The following CNTNAP2 variants were observed in gnomAD, a reference collection of about 807,000 sequenced individuals.
CNTNAP2 encodes the protein contactin associated protein 2.
A neutral mutation model predicts 155.2 loss-of-function variants in CNTNAP2; 98 were observed. The ratio of observed to expected loss-of-function variants is 0.63; its 90% CI spans 0.54 to 0.75. The LOEUF is 0.75. Ranked by LOEUF, CNTNAP2 falls within the 30% of genes least tolerant of loss-of-function variation. The pLI is 0.00. For missense variants in CNTNAP2, 1,727 were observed against 1,688.1 expected (o/e 1.02, Z -0.40); for synonymous variants, 651 against 631.2 (o/e 1.03, Z -0.47).
chr7:147,255,633 T>TA (rs560522307), intron 8 of CNTNAP2, among the ~76,000 whole-genome samples: 14 of 152,160 alleles, frequency 9.2e-5, no homozygotes, highest in Admixed American at 1.3e-4. Flanking sequence ...CCATGCCATA[T>TA]AAAAAAAATG....
chr7:147,505,899 G>A lies in CNTNAP2; in HGVS notation c.1777+19858G>A, dbSNP rs143907409. On this transcript the variant is annotated intron_variant, in intron 11 of 23. Coordinates refer to ENST00000361727, the MANE Select transcript of CNTNAP2 (RefSeq NM_014141.6). ...GGTGCAGAAAGATCAGAGTCAAATG[G>A]GTTTGGATCAGATCTTGTAACGAGA... 1.7e-4 allele frequency among the ~76,000 whole-genome samples: 26 copies of A among 151,994 alleles called. No homozygotes were observed. In the East Asian group the frequency reaches 5.1e-3, roughly 30 times the overall value.
At chr7:147,237,201 G>A (rs777959745) in intron 8 of CNTNAP2, among the ~76,000 whole-genome samples, 27 of 151,642 alleles carry the variant, frequency 1.8e-4, no homozygotes, top group Non-Finnish European at 3.5e-4. Flanking sequence ...AAGTAGCTGG[G>A]ACTACAGGCA....
rs1318576371 is a variant in CNTNAP2, at chr7:147,851,249, G to A, written c.2099-52316G>A. ...ACCATCTCACACCAGTTAGAATGGC[G>A]ATCATTAAAAAGTCAGGAAACAACA... On this transcript the variant is annotated intron_variant, in intron 13 of 23. Coordinates refer to ENST00000361727, the MANE Select transcript of CNTNAP2 (RefSeq NM_014141.6). 8.5e-3 allele frequency among the ~76,000 whole-genome samples: 1,294 copies of A among 151,622 alleles called. 15 individuals are homozygous for A. The highest frequency in any genetic ancestry group is 0.028 in the African/African-American group (1,139 of 41,356).
At chr7:147,017,070 ACTTCT>A (rs1404626171) in intron 3 of CNTNAP2, among the ~76,000 whole-genome samples, 1 of 150,830 alleles carries the variant, frequency 6.6e-6, no homozygotes, top group Non-Finnish European at 1.5e-5. Context: ...GGATTTCCTG[ACTTCT>A]CTTTTCTACT....
intron 1 of CNTNAP2, among the ~76,000 whole-genome samples, chr7:146,345,821 T>C (rs1328535311): frequency 6.6e-6 from 1 of 152,150 alleles, no homozygotes; most frequent in African/African-American, 2.4e-5. Context: ...GTCTTAGTAG[T>C]ATGGCAGAGG....
At chr7:146,272,435 C>T (rs1056599600) in intron 1 of CNTNAP2, among the ~76,000 whole-genome samples, 2 of 152,152 alleles carry the variant, frequency 1.3e-5, no homozygotes, top group East Asian at 1.9e-4. Flanking sequence ...CACTGTTATT[C>T]TCCTTTCTCC....
intron 1 of CNTNAP2, among the ~76,000 whole-genome samples, chr7:146,151,124 T>G (rs1798030380): frequency 6.6e-6 from 1 of 152,216 alleles, no homozygotes; most frequent in African/African-American, 2.4e-5. Flanking sequence ...TCATGAGAAC[T>G]GCATGGAGGA....
chr7:146,863,563 AT>A (rs56166202), intron 3 of CNTNAP2, among the ~76,000 whole-genome samples: 66,622 of 151,880 alleles, frequency 0.44, 15,467 homozygotes, highest in African/African-American at 0.59. Flanking sequence ...AAAGTCACTG[AT>A]TGGGTAATTA....
chr7:146,913,006 A>G (rs1796318435), intron 3 of CNTNAP2, among the ~76,000 whole-genome samples: 1 of 152,192 alleles, frequency 6.6e-6, no homozygotes, highest in Non-Finnish European at 1.5e-5. Flanking sequence ...GTCTTCAGGA[A>G]AATTAATGAC....
intron 20 of CNTNAP2, among the ~76,000 whole-genome samples, chr7:148,254,563 T>C (rs932049874): frequency 1.3e-5 from 2 of 152,006 alleles, no homozygotes; most frequent in Non-Finnish European, 2.9e-5. Flanking sequence ...AATCACGAGG[T>C]CAGGAGATCG....
At chr7:147,491,985 C>T (rs1798617747) in intron 11 of CNTNAP2, among the ~76,000 whole-genome samples, 1 of 152,120 alleles carries the variant, frequency 6.6e-6, no homozygotes, top group African/African-American at 2.4e-5. Context: ...CCATTCATTA[C>T]TGAAATTTGT....
At chr7:147,080,563 A>G (rs956236214) in intron 4 of CNTNAP2, among the ~76,000 whole-genome samples, 20 of 151,386 alleles carry the variant, frequency 1.3e-4, no homozygotes, top group South Asian at 2.1e-4. Context: ...TGAAGATAAC[A>G]TTTATTTTTT....
chr7:146,561,143 T>C (rs562525107), intron 1 of CNTNAP2, among the ~76,000 whole-genome samples: 1 of 152,286 alleles, frequency 6.6e-6, no homozygotes, highest in East Asian at 1.9e-4. Context: ...TAAGAGTGCC[T>C]TCTACATTTC....
chr7:148,010,607 T>C (rs1802061687), intron 15 of CNTNAP2, among the ~76,000 whole-genome samples: 1 of 151,798 alleles, frequency 6.6e-6, no homozygotes, highest in Admixed American at 6.6e-5. Context: ...TCATCAAACA[T>C]GGGAAAAATT....
chr7:146,216,925 G>A (rs1799123985), intron 1 of CNTNAP2, among the ~76,000 whole-genome samples: 1 of 152,188 alleles, frequency 6.6e-6, no homozygotes, highest in Non-Finnish European at 1.5e-5. Flanking sequence ...CTTCAGGAGT[G>A]GCTGTTGTAA....
intron 10 of CNTNAP2, among the ~76,000 whole-genome samples, chr7:147,421,488 G>C (rs934751100): frequency 6.6e-6 from 1 of 151,032 alleles, no homozygotes; most frequent in Non-Finnish European, 1.5e-5. Flanking sequence ...ATTAACTAAT[G>C]TATTTATCCA....
At chr7:147,117,556 G>A (rs1801014790) in intron 5 of CNTNAP2, among the ~76,000 whole-genome samples, 1 of 151,986 alleles carries the variant, frequency 6.6e-6, no homozygotes, top group Non-Finnish European at 1.5e-5. Context: ...TCCTCTCCTT[G>A]AGCACTGCAG....
chr7:147,913,328 A>T (rs952142348), intron 14 of CNTNAP2, among the ~76,000 whole-genome samples: 2 of 152,176 alleles, frequency 1.3e-5, no homozygotes, highest in Non-Finnish European at 2.9e-5. Flanking sequence ...TTCAGGAGCA[A>T]TATGGAAGTA....
chr7:146,668,135 A>G (rs1800231017), intron 1 of CNTNAP2, among the ~76,000 whole-genome samples: 1 of 151,622 alleles, frequency 6.6e-6, no homozygotes, highest in Admixed American at 6.6e-5. Flanking sequence ...TATTATTTTG[A>G]GGTAATTTCC....
Sources: allele counts gnomAD v4.1 joint callset (sites outside exome capture counted in the v4.1 genomes callset), GRCh38; gene constraint gnomAD v4.1.1; transcripts MANE v1.5; gene names NCBI Gene and HGNC (gene_info 2026-07-23, HGNC 2026-07-21).